Variants in SNX29 observed in about 807,000 individuals in gnomAD.
SNX29 encodes the protein sorting nexin-29.
SNX29 carries 78 observed loss-of-function variants against 102.1 expected under a neutral mutation model. The ratio of observed to expected loss-of-function variants is 0.76; its 90% CI spans 0.64 to 0.92. The LOEUF is 0.92. Ranked by LOEUF, SNX29 falls within the 40% of genes least tolerant of loss-of-function variation. The pLI is 0.00. For synonymous variants in SNX29, 580 were observed against 414.5 expected, an observed-to-expected ratio of 1.40 and a Z score of -4.85; for missense variants, 1,280 against 1,061.7, an observed-to-expected ratio of 1.21 and a Z score of -2.86.
At chr16:12,010,941 T>C (rs1056333019) in intron 3 of SNX29, among the ~76,000 whole-genome samples, 2 of 152,000 alleles carry the variant, frequency 1.3e-5, no homozygotes, top group South Asian at 2.1e-4. Context: ...CTTTTAAATA[T>C]CTCTGAATGT....
At chr16:12,273,328 G>GT (rs139719482) in intron 14 of SNX29, among the ~76,000 whole-genome samples, 2 of 91,664 alleles carry the variant, frequency 2.2e-5, no homozygotes, top group Non-Finnish European at 4.5e-5. Flanking sequence ...TTTAGTGGTG[G>GT]TTTTTTGTTT....
chr16:12,555,573 C>T lies in SNX29; in HGVS notation c.2319-12933C>T, dbSNP rs555261762. On this transcript the variant is annotated intron_variant, in intron 20 of 20. Coordinates refer to ENST00000566228, the MANE Select transcript of SNX29 (RefSeq NM_032167.5). The stretch of plus-strand genomic sequence containing the variant: ...TGGGTTTGAGCACCCTCATCTCTCA[C>T]CTCCATTTCTCCCTGTACCCAGCAG... Among the ~76,000 whole-genome samples, 594 of 151,948 alleles carry T rather than the reference C, an allele frequency of 3.9e-3. 2 individuals carry two copies. Among genetic ancestry groups the T allele is most frequent in the African/African-American group, 0.013 (524 of 41,482 alleles).
At chr16:12,547,908 T>G (rs970402970) in intron 20 of SNX29, among the ~76,000 whole-genome samples, 7 of 152,084 alleles carry the variant, frequency 4.6e-5, no homozygotes, top group Non-Finnish European at 7.4e-5. Flanking sequence ...TAGGAGCTGC[T>G]CTTAGGGGTT....
At chr16:12,142,231 C>G (rs547740607) in intron 13 of SNX29, among the ~76,000 whole-genome samples, 15 of 152,366 alleles carry the variant, frequency 9.8e-5, no homozygotes, top group African/African-American at 2.9e-4. Flanking sequence ...GTGACCCACT[C>G]TGGCTCTCCC....
intron 13 of SNX29, among the ~76,000 whole-genome samples, chr16:12,142,546 G>T (rs1359083711): frequency 6.6e-6 from 1 of 152,104 alleles, no homozygotes; most frequent in East Asian, 1.9e-4. Flanking sequence ...CAGTCAAGAT[G>T]AACGATTGAT....
chr16:12,088,798 A>G (rs979303653), intron 11 of SNX29, among the ~76,000 whole-genome samples: 1 of 152,138 alleles, frequency 6.6e-6, no homozygotes, highest in African/African-American at 2.4e-5. Flanking sequence ...AAAACATTTA[A>G]AAATTGGCCA....
intron 5 of SNX29, among the ~76,000 whole-genome samples, chr16:12,044,603 A>T (rs1015952541): frequency 2.0e-5 from 3 of 151,642 alleles, no homozygotes; most frequent in African/African-American, 7.3e-5. Context: ...TTTTGAGAAG[A>T]AGTCTCGCTT....
chr16:12,520,039 C>G (rs2090037297), intron 19 of SNX29, among the ~76,000 whole-genome samples: 1 of 151,968 alleles, frequency 6.6e-6, no homozygotes, highest in Admixed American at 6.6e-5. Context: ...AGTAAGAAAA[C>G]AAAACACAGT....
intron 20 of SNX29, chr16:12,526,972 G>A (rs190013): frequency 0.54 from 215,005 of 399,598 alleles, 62,318 homozygotes; most frequent in East Asian, 0.89. Context: ...ACAGAACACA[G>A]GGTTCGATTT....
chr16:12,358,646 A>C lies in SNX29; in HGVS notation c.1899+2367A>C, dbSNP rs137893921. On this transcript the variant is annotated intron_variant, in intron 16 of 20. Coordinates refer to ENST00000566228, the MANE Select transcript of SNX29 (RefSeq NM_032167.5). The stretch of plus-strand genomic sequence containing the variant: ...AAGACCCCCATTTCAGAAGGGGTCC[A>C]GCCCCGCACCCTGGAGGAAAGAATA... Among the ~76,000 whole-genome samples the C allele has an allele frequency of 3.1e-3, 468 of 152,378 alleles. 3 individuals are homozygous for C. Among genetic ancestry groups the C allele is most frequent in the African/African-American group, 0.011 (450 of 41,586 alleles).
intron 18 of SNX29, among the ~76,000 whole-genome samples, chr16:12,432,768 A>G (rs979221185): frequency 6.6e-6 from 1 of 152,248 alleles, no homozygotes; most frequent in African/African-American, 2.4e-5. Flanking sequence ...AGAGGCGCTC[A>G]TTCTGCTAGA....
chr16:11,990,250 T>C (rs1438680995), intron 1 of SNX29, among the ~76,000 whole-genome samples: 1 of 152,150 alleles, frequency 6.6e-6, no homozygotes, highest in Non-Finnish European at 1.5e-5. Context: ...GCCAACTAAC[T>C]GACATAAAAA....
intron 9 of SNX29, among the ~76,000 whole-genome samples, chr16:12,062,331 A>G (rs985608035): frequency 2.0e-5 from 3 of 151,882 alleles, no homozygotes; most frequent in African/African-American, 7.3e-5. Context: ...GTGAGCCGAT[A>G]TCGTGGCACT....
rs1408257614 is a variant in SNX29, at chr16:12,570,466, A to G, written c.*1837A>G. 3 of 235,170 alleles carry G rather than the reference A, an allele frequency of 1.3e-5. No homozygotes were observed. The East Asian group carries it at 1.8e-4, about 14-fold the overall frequency. 14.6% of individuals were successfully genotyped at this position (235,170 alleles called of 1,614,324 possible). ...TAATGGACTGAGGCAGGAAACGTCTAAAAGCTCAATCTGCTGTATGTCATG... is the reference window on the plus strand; with the variant it reads ...TAATGGACTGAGGCAGGAAACGTCTGAAAGCTCAATCTGCTGTATGTCATG... On this transcript the variant is annotated 3_prime_UTR_variant, in exon 21 of 21. Transcript: ENST00000566228.
intron 15 of SNX29, among the ~76,000 whole-genome samples, chr16:12,343,973 C>T (rs563781949): frequency 7.9e-5 from 12 of 152,276 alleles, no homozygotes; most frequent in Admixed American, 1.3e-4. Context: ...GGGAGGGACC[C>T]AGTGTGAGAT....
intron 11 of SNX29, among the ~76,000 whole-genome samples, chr16:12,125,874 C>G (rs1433821608): frequency 6.6e-6 from 1 of 152,066 alleles, no homozygotes; most frequent in African/African-American, 2.4e-5. Flanking sequence ...ACATTTTCAG[C>G]TATGAGGTCT....
At chr16:12,126,304 C>T (rs2054211942) in intron 11 of SNX29, among the ~76,000 whole-genome samples, 1 of 152,200 alleles carries the variant, frequency 6.6e-6, no homozygotes, top group Non-Finnish European at 1.5e-5. Context: ...TACATATTGT[C>T]TTACTGAATT....
chr16:12,269,216 C>G (rs1271251628), intron 14 of SNX29, among the ~76,000 whole-genome samples: 2 of 152,178 alleles, frequency 1.3e-5, no homozygotes, highest in Non-Finnish European at 2.9e-5. Context: ...GAGAAAGTTG[C>G]TGACTATTCA....
chr16:12,087,579 A>G, intron 11 of SNX29: 1 of 333,382 alleles, frequency 3.0e-6, no homozygotes. Context: ...CCTGGGCAAC[A>G]GAGCAAGACC....
Sources: allele counts gnomAD v4.1 joint callset (sites outside exome capture counted in the v4.1 genomes callset), GRCh38; gene constraint gnomAD v4.1.1; transcripts MANE v1.5; gene names NCBI Gene and HGNC (gene_info 2026-07-23, HGNC 2026-07-21).